The following CACNA2D3 variants were observed in gnomAD, a reference collection of about 807,000 sequenced individuals.
CACNA2D3 encodes the protein calcium voltage-gated channel auxiliary subunit alpha2delta 3, also known as voltage-dependent calcium channel subunit alpha-2/delta-3.
CACNA2D3 carries 60 observed loss-of-function variants against 160.6 expected under a neutral mutation model. The ratio of observed to expected loss-of-function variants is 0.37; its 90% confidence interval spans 0.30 to 0.46. The LOEUF (loss-of-function observed/expected upper bound fraction) is 0.46, where lower values mean the gene tolerates loss of function less well. Ranked by LOEUF, CACNA2D3 falls within the 20% of genes least tolerant of loss-of-function variation. The pLI, the probability that CACNA2D3 is intolerant of heterozygous loss-of-function variation, is 1.00. For missense variants in CACNA2D3, 1,205 were observed against 1,365.0 expected (o/e 0.88, Z 1.85); for synonymous variants, 558 against 492.9 (o/e 1.13, Z -1.75).
At chr3:54,925,323 CCTT>C (rs1259695344) in intron 27 of CACNA2D3, 3 of 847,232 alleles carry the variant, frequency 3.5e-6, no homozygotes, top group African/African-American at 1.7e-5. Flanking sequence ...CCAGGTGAAA[CCTT>C]CTACAACCTG....
rs6781119 is a variant in CACNA2D3, at chr3:55,044,291, C to T, written c.2987+25974C>T. ...TTGTCTTTGTTTTTTCATCAGTATT[C>T]TATAGTTTTCAATATAATGATTTTT... On this transcript the variant is annotated intron_variant, in intron 35 of 37. Transcript: ENST00000474759. 4.6e-3 allele frequency among the ~76,000 whole-genome samples: 706 copies of T among 152,224 alleles called. 6 individuals carry two copies. The highest frequency in any genetic ancestry group is 0.015 in the African/African-American group (632 of 41,546).
chr3:54,975,229 G>A (rs944121558), intron 29 of CACNA2D3, among the ~76,000 whole-genome samples: 1 of 152,112 alleles, frequency 6.6e-6, no homozygotes, highest in African/African-American at 2.4e-5. Flanking sequence ...TGTCTATAAA[G>A]AAAATGTGGC....
At chr3:54,606,972 C>T (rs1420104706) in intron 9 of CACNA2D3, among the ~76,000 whole-genome samples, 1 of 152,222 alleles carries the variant, frequency 6.6e-6, no homozygotes, top group Admixed American at 6.5e-5. Context: ...ATCCTCTTCA[C>T]TACTTCATAT....
chr3:54,890,536 T>C (rs1312937195), intron 24 of CACNA2D3, among the ~76,000 whole-genome samples: 2 of 151,008 alleles, frequency 1.3e-5, no homozygotes, highest in African/African-American at 4.9e-5. Flanking sequence ...AAAAAAAATA[T>C]TATGTGTTTG....
intron 14 of CACNA2D3, among the ~76,000 whole-genome samples, chr3:54,830,949 G>C (rs1703863950): frequency 1.3e-5 from 2 of 152,108 alleles, no homozygotes; most frequent in South Asian, 4.1e-4. Context: ...AAACACCGCT[G>C]CGTATTCACA....
intron 27 of CACNA2D3, among the ~76,000 whole-genome samples, chr3:54,945,358 C>G (rs112102467): frequency 6.6e-6 from 1 of 152,184 alleles, no homozygotes; most frequent in Admixed American, 6.5e-5. Context: ...GTATCTTGGC[C>G]TCGAAAGTGG....
chr3:54,317,912 C>G (rs931698333), intron 2 of CACNA2D3, among the ~76,000 whole-genome samples: 1 of 152,184 alleles, frequency 6.6e-6, no homozygotes. Context: ...TTAATCCATT[C>G]ATGAGGGTGG....
chr3:54,918,957 G>T, intron 27 of CACNA2D3: 1 of 1,350,984 alleles, frequency 7.4e-7, no homozygotes, highest in Non-Finnish European at 9.7e-7. Flanking sequence ...AAAATCCTCT[G>T]CCTGCAAAAA....
At chr3:54,809,307 C>CT (rs1417063441) in intron 13 of CACNA2D3, among the ~76,000 whole-genome samples, 7 of 86,254 alleles carry the variant, frequency 8.1e-5, no homozygotes, top group African/African-American at 3.2e-4. Flanking sequence ...TTCCTTCCTT[C>CT]TTTCTTTTTT....
At chr3:54,378,769 C>A (rs1198581664) in intron 3 of CACNA2D3, among the ~76,000 whole-genome samples, 1 of 152,192 alleles carries the variant, frequency 6.6e-6, no homozygotes, top group Non-Finnish European at 1.5e-5. Flanking sequence ...CTTCTTCATA[C>A]CTCTCCCTGA....
At chr3:54,949,736 A>G (rs1006923762) in intron 27 of CACNA2D3, among the ~76,000 whole-genome samples, 2 of 152,180 alleles carry the variant, frequency 1.3e-5, no homozygotes, top group African/African-American at 4.8e-5. Flanking sequence ...GCAGGGGCAC[A>G]CTCCACAGAA....
chr3:54,430,914 A>G (rs530112096), intron 4 of CACNA2D3, among the ~76,000 whole-genome samples: 4 of 152,340 alleles, frequency 2.6e-5, no homozygotes, highest in African/African-American at 4.8e-5. Context: ...CTTAACTACT[A>G]CTAGTCTCCT....
At chr3:54,175,275 G>T (rs2107316420) in intron 2 of CACNA2D3, among the ~76,000 whole-genome samples, 1 of 152,262 alleles carries the variant, frequency 6.6e-6, no homozygotes, top group South Asian at 2.1e-4. Context: ...GGCCATGGGG[G>T]ATGTTTCCTC....
intron 11 of CACNA2D3, among the ~76,000 whole-genome samples, chr3:54,689,982 C>T (rs1173367560): frequency 6.6e-6 from 1 of 152,088 alleles, no homozygotes; most frequent in African/African-American, 2.4e-5. Context: ...TGTCTCCAGC[C>T]TGGACAACCT....
Position 54,919,472 on chromosome 3 carries a change from T to C in CACNA2D3, c.2449+19604T>C, listed in dbSNP as rs565276875. On this transcript the variant is annotated intron_variant, in intron 27 of 37. Transcript: ENST00000474759. ...GTTTAGTTCCTGGAATTCGGTACCA[T>C]GAATGTGTCTCCTCAGGCCTCAGAA... Among the ~76,000 whole-genome samples the C allele has an allele frequency of 5.9e-5, 9 of 152,324 alleles. No homozygotes were observed. In the South Asian group the frequency reaches 1.9e-3, roughly 32 times the overall value.
chr3:54,256,923 G>T (rs57537423), intron 2 of CACNA2D3, among the ~76,000 whole-genome samples: 9 of 152,112 alleles, frequency 5.9e-5, no homozygotes, highest in Admixed American at 3.3e-4. Flanking sequence ...ATTATTTGTC[G>T]CACTTTTTGG....
At chr3:54,610,033 C>T (rs921066690) in intron 9 of CACNA2D3, among the ~76,000 whole-genome samples, 7 of 152,110 alleles carry the variant, frequency 4.6e-5, no homozygotes, top group Non-Finnish European at 8.8e-5. Context: ...TGGTGGCTAT[C>T]GATCCTTGGC....
At chr3:54,346,777 C>T (rs1376395985) in intron 3 of CACNA2D3, among the ~76,000 whole-genome samples, 1 of 152,140 alleles carries the variant, frequency 6.6e-6, no homozygotes, top group Non-Finnish European at 1.5e-5. Flanking sequence ...TGTCCTGTAT[C>T]CGTCATTACC....
At chr3:54,287,249 G>T (rs1252781633) in intron 2 of CACNA2D3, among the ~76,000 whole-genome samples, 1 of 151,604 alleles carries the variant, frequency 6.6e-6, no homozygotes, top group Non-Finnish European at 1.5e-5. Flanking sequence ...CAAGCAAATG[G>T]AAAACAAAAA....
Sources: allele counts gnomAD v4.1 joint callset (sites outside exome capture counted in the v4.1 genomes callset), GRCh38; gene constraint gnomAD v4.1.1; transcripts MANE v1.5; gene names NCBI Gene and HGNC (gene_info 2026-07-23, HGNC 2026-07-21).